Variants in NLRP5 observed in about 807,000 individuals in gnomAD.
NLRP5 encodes NACHT, LRR and PYD domains-containing protein 5.
NLRP5 carries 93 observed loss-of-function variants against 113.1 expected under a neutral mutation model. The observed-to-expected ratio is 0.82, with a 90% CI of 0.70 to 0.98. The LOEUF is 0.98. Ranked by LOEUF, NLRP5 falls within the 50% of genes least tolerant of loss-of-function variation. The pLI is 0.00. For missense variants in NLRP5, 1,808 were observed against 1,514.3 expected, an observed-to-expected ratio of 1.19 and a Z score of -3.22; for synonymous variants, 751 against 600.7, an observed-to-expected ratio of 1.25 and a Z score of -3.66.
chr19:56,038,248 C>T (rs1020068614), intron 10 of NLRP5, 53 bp downstream of exon 10: 33 of 1,557,656 alleles, frequency 2.1e-5, no homozygotes, highest in Admixed American at 1.2e-4. Flanking sequence ...CCAGGATTAT[C>T]GTAACTTCGA....
At chr19:56,023,414 G>A (rs967099125) in intron 6 of NLRP5, among the ~76,000 whole-genome samples, 5 of 152,120 alleles carry the variant, frequency 3.3e-5, no homozygotes, top group African/African-American at 7.2e-5. Context: ...ACGGCCCTCC[G>A]TTTCCCATGG....
At chr19:56,011,034 C>A (rs917819225) in intron 3 of NLRP5, among the ~76,000 whole-genome samples, 1 of 151,744 alleles carries the variant, frequency 6.6e-6, no homozygotes, top group East Asian at 1.9e-4. Flanking sequence ...CACGTATAGT[C>A]CCAGCTACTT....
intron 12 of NLRP5, among the ~76,000 whole-genome samples, chr19:56,052,824 C>G (rs1983980134): frequency 6.6e-6 from 1 of 152,116 alleles, no homozygotes; most frequent in African/African-American, 2.4e-5. Flanking sequence ...ACTTCTGTCC[C>G]CTTTTCTCTC....
At chr19:56,023,264 A>G (rs1468064582) in intron 6 of NLRP5, among the ~76,000 whole-genome samples, 1 of 152,072 alleles carries the variant, frequency 6.6e-6, no homozygotes, top group African/African-American at 2.4e-5. Context: ...CTCTGTAAAA[A>G]CCTACATTCC....
intron 10 of NLRP5, among the ~76,000 whole-genome samples, chr19:56,039,654 T>A (rs1371156926): frequency 6.6e-6 from 1 of 152,184 alleles, no homozygotes; most frequent in African/African-American, 2.4e-5. Context: ...GGCTCACGCC[T>A]GTAACCCAGC....
upstream of NLRP5, among the ~76,000 whole-genome samples, chr19:55,995,852 C>T (rs1275444596): frequency 6.6e-6 from 1 of 151,700 alleles, no homozygotes; most frequent in Non-Finnish European, 1.5e-5. Context: ...AAGGACATTG[C>T]TTTCTTTTTC....
chr19:56,034,627 A>G (rs1036285273), intron 9 of NLRP5, among the ~76,000 whole-genome samples: 3 of 152,168 alleles, frequency 2.0e-5, no homozygotes, highest in Non-Finnish European at 2.9e-5. Context: ...TCTCTGTATA[A>G]CCTTGTCATT....
At chr19:55,991,871 T>A in the NLRP5 span, among the ~76,000 whole-genome samples, 5 of 152,062 alleles carry the variant, frequency 3.3e-5, no homozygotes, top group Non-Finnish European at 7.4e-5. Flanking sequence ...GCTAACATTC[T>A]TTTTTTACTT....
chr19:56,020,944 G>A (rs1982590042), intron 6 of NLRP5, among the ~76,000 whole-genome samples: 1 of 151,218 alleles, frequency 6.6e-6, no homozygotes, highest in East Asian at 1.9e-4. Context: ...CGGTATCTCG[G>A]CTCAGTGCAA....
intron 10 of NLRP5, among the ~76,000 whole-genome samples, 153 bp downstream of exon 10, chr19:56,038,348 G>A (rs755901019): frequency 6.6e-6 from 1 of 152,174 alleles, no homozygotes; most frequent in Non-Finnish European, 1.5e-5. Context: ...TGCCCAGTGT[G>A]GGGTGTAAGA....
intron 6 of NLRP5, among the ~76,000 whole-genome samples, chr19:56,024,421 T>TACATATATGTATATATGTG (rs141358200): frequency 7.1e-6 from 1 of 141,772 alleles, no homozygotes; most frequent in African/African-American, 2.6e-5. Flanking sequence ...TGTATATATG[T>TACATATATGTATATATGTG]TATATATACA....
At chr19:56,004,174 G>C in intron 2 of NLRP5, 79 bp downstream of exon 2, 1 of 1,450,294 alleles carries the variant, frequency 6.9e-7, no homozygotes, top group Non-Finnish European at 9.3e-7. Context: ...AAGAATCGTT[G>C]TTCAGTAACC....
rs538167983 is a variant in NLRP5, at chr19:56,054,304, C to T, written c.3299+496C>T. Among the ~76,000 whole-genome samples, 701 of 152,146 alleles carry T rather than the reference C, an allele frequency of 4.6e-3. 3 individuals are homozygous for T. The highest frequency in any genetic ancestry group is 0.015 in the African/African-American group (640 of 41,520). ...TGGGCACAGGGGCTCACGCCTGTAA[C>T]ACCAGCACTTTGGGAGGCCAAGGTG... On this transcript the variant is annotated intron_variant, in intron 13 of 14. Coordinates refer to ENST00000390649, the MANE Select transcript of NLRP5 (RefSeq NM_153447.4).
At position 55,999,795 on chromosome 19, in the gene NLRP5, G is replaced by A; in HGVS notation, c.62+8G>A. 3 of 1,611,264 alleles carry A rather than the reference G, an allele frequency of 1.9e-6. No homozygotes were observed. Among genetic ancestry groups the A allele is most frequent in the Admixed American group, 1.7e-5 (1 of 59,988 alleles). ...CTCAGCATCACCACGTGCGTCGACAGCCTCTTAGAGTTACCTATGAGGAAA... is the reference window on the plus strand; with the variant it reads ...CTCAGCATCACCACGTGCGTCGACAACCTCTTAGAGTTACCTATGAGGAAA... On this transcript the variant is annotated splice_region_variant and intron_variant, in intron 1 of 14. Coordinates refer to ENST00000390649, the MANE Select transcript of NLRP5 (RefSeq NM_153447.4).
intron 3 of NLRP5, among the ~76,000 whole-genome samples, chr19:56,015,192 G>A (rs557763868): frequency 5.2e-4 from 79 of 152,014 alleles, no homozygotes; most frequent in South Asian, 1.0e-3. Flanking sequence ...TTTTGTTTTC[G>A]TTTTGTTTTG....
rs755362452 is a variant in NLRP5 at position 56,032,736 on chromosome 19, T to C, written c.2402T>C (p.Leu801Pro). The C allele has an allele frequency of 1.2e-6, 2 of 1,612,590 alleles. No individual in the cohort carries two copies. The highest frequency in any genetic ancestry group is 1.3e-5 in the African/African-American group (1 of 74,886). The change falls in exon 8 of 15, where the codon CTG (leucine) becomes CCG (proline). Residue 801 changes from leucine to proline, a missense_variant. Physicochemically the swap from Leu to Pro is moderately conservative, Grantham distance 98 (BLOSUM62 -3). Coordinates refer to ENST00000390649, the MANE Select transcript of NLRP5 (RefSeq NM_153447.4). The stretch of plus-strand genomic sequence containing the variant: ...CTGACAGAGCGGGCCATGAAGACCC[T>C]GTGTGCCAAGCTGAGGCATCCCACC...
At chr19:56,015,827 G>C (rs1384525148) in intron 4 of NLRP5, 29 bp downstream of exon 4, 2 of 1,521,910 alleles carry the variant, frequency 1.3e-6, no homozygotes, top group East Asian at 4.8e-5. Flanking sequence ...TTCATTTGTT[G>C]CCCTCCTGGA....
At chr19:55,986,910 C>T in the NLRP5 span, among the ~76,000 whole-genome samples, 15 of 152,158 alleles carry the variant, frequency 9.9e-5, no homozygotes, top group African/African-American at 3.4e-4. Flanking sequence ...TACTAGGTGC[C>T]CCCACCCTCT....
chr19:56,038,772 C>T (rs73619288), intron 10 of NLRP5, among the ~76,000 whole-genome samples: 12,077 of 152,192 alleles, frequency 0.079, 825 homozygotes, highest in African/African-American at 0.19. Flanking sequence ...CGAGTGGAAA[C>T]GCAGGGGGCA....
Sources: allele counts gnomAD v4.1 joint callset (sites outside exome capture counted in the v4.1 genomes callset), GRCh38; gene constraint gnomAD v4.1.1; transcripts MANE v1.5; gene names NCBI Gene and HGNC (gene_info 2026-07-23, HGNC 2026-07-21).